Variants in ARRDC2 observed in about 807,000 individuals in gnomAD.
ARRDC2 encodes the protein arrestin domain containing 2.
A neutral mutation model predicts 38.9 loss-of-function variants in ARRDC2; 39 were observed. That is an observed-to-expected ratio of 1.00 (90% confidence interval 0.78 to 1.31). The LOEUF (loss-of-function observed/expected upper bound fraction) is 1.31, where lower values mean the gene tolerates loss of function less well. ARRDC2 is among the 50% of genes most tolerant of loss of function. The probability of loss-of-function intolerance (pLI) is 0.00; values close to 1 mark genes in which losing one functional copy is unlikely to be tolerated. For missense variants in ARRDC2, 553 were observed against 588.4 expected, an observed-to-expected ratio of 0.94 and a Z score of 0.62; for synonymous variants, 300 against 261.9, an observed-to-expected ratio of 1.15 and a Z score of -1.41.
At position 18,009,990 on chromosome 19, in the gene ARRDC2, G is replaced by C. The variant is rs746624647; in HGVS notation, c.800G>C (p.Gly267Ala). ...QGRALRIPPV[G>A]PSILHCRVLH... ...CGGGCACTGCGGATCCCCCCAGTGG[G>C]TCCTTCCATCCTGCACTGCCGCGTT... Residue 267 changes from glycine to alanine, a missense_variant, in exon 5 of 8, where the codon GGT (glycine) becomes GCT (alanine). By Grantham distance (60) the Gly-to-Ala change is moderately conservative (BLOSUM62 0). Coordinates refer to ENST00000222250, the MANE Select transcript of ARRDC2 (RefSeq NM_015683.2). The C allele has an allele frequency of 8.1e-6, 13 of 1,601,448 alleles. No individual in the cohort carries two copies. Among genetic ancestry groups the C allele is most frequent in the Non-Finnish European group, 1.1e-5 (13 of 1,179,434 alleles).
At chr19:18,012,524 T>C (rs922123067) in intron 7 of ARRDC2, among the ~76,000 whole-genome samples, 1 of 152,030 alleles carries the variant, frequency 6.6e-6, no homozygotes, top group Non-Finnish European at 1.5e-5. Context: ...GAGGTAGAGG[T>C]TGCAGTGAGC....
chr19:18,009,778 TGCA>T lies in ARRDC2; in HGVS notation c.593-3_593-1del. The T allele has an allele frequency of 1.2e-6, 2 of 1,613,234 alleles. No individual in the cohort carries two copies. The highest frequency in any genetic ancestry group is 1.7e-6 in the Non-Finnish European group (2 of 1,179,924). ...AAACTGAGGCCCCACTGCTCCTTGC[TGCA>T]GGAGAGGTCATCCCTGTCTTTGCCG... On this transcript the variant is annotated splice_acceptor_variant and splice_polypyrimidine_tract_variant and intron_variant, in intron 4 of 7. Coordinates refer to ENST00000222250, the MANE Select transcript of ARRDC2 (RefSeq NM_015683.2). LOFTEE classifies it high-confidence loss of function.
At chr19:18,003,261 G>A (rs770729913), upstream of ARRDC2, among the ~76,000 whole-genome samples, 9 of 151,888 alleles carry the variant, frequency 5.9e-5, no homozygotes, top group Middle Eastern at 3.2e-3. Context: ...CCTCCACTCC[G>A]TTTTTGTGTT....
At chr19:18,001,409 T>G (rs1258777896) in exon 1 of ARRDC2, 2 of 1,224,618 alleles carry the variant, frequency 1.6e-6, no homozygotes, top group African/African-American at 3.1e-5. Context: ...GGCCGGGTGC[T>G]GCTGGAGGCG....
chr19:18,008,125 C>G (rs970265244), upstream of ARRDC2: 4 of 838,080 alleles, frequency 4.8e-6, no homozygotes, highest in Non-Finnish European at 6.5e-6. Context: ...GACCCCACCC[C>G]CCCCCGCCCT....
upstream of ARRDC2, chr19:18,007,188 A>T (rs779937503): frequency 8.5e-5 from 13 of 152,146 alleles, no homozygotes; most frequent in Non-Finnish European, 1.3e-4. Context: ...CGCAGAGGCA[A>T]CTCCCGCTGG....
Position 18,008,448 on chromosome 19 carries a change from C to T in ARRDC2, c.138C>T (p.Ala46=), listed in dbSNP as rs2033329514. ...LELSSAARVG[A]LRLRARGRAH... is the part of the protein sequence containing the mutation. Reference sequence around the variant, plus strand: ...TGTCAAGCGCCGCGCGTGTGGGTGCCCTGAGGCTGCGCGCGCGGGGCCGCG... The same window carrying T: ...TGTCAAGCGCCGCGCGTGTGGGTGCTCTGAGGCTGCGCGCGCGGGGCCGCG... Residue 46 remains alanine, a synonymous_variant, in exon 1 of 8, where the codon GCC becomes GCT. Transcript: ENST00000222250. 2 of 1,560,340 alleles carry T rather than the reference C, an allele frequency of 1.3e-6. No individual in the cohort carries two copies. Among genetic ancestry groups the T allele is most frequent in the Non-Finnish European group, 1.7e-6 (2 of 1,161,170 alleles).
At position 18,010,739 on chromosome 19, in the gene ARRDC2, G is replaced by A. The variant is rs1053656382; in HGVS notation, c.1170+10G>A. The A allele has an allele frequency of 1.2e-6, 2 of 1,613,204 alleles. No homozygotes were observed. The highest frequency in any genetic ancestry group is 2.7e-5 in the African/African-American group (2 of 74,918). ...ACCCCTGTACTCTGAGGTGAGCTCA[G>A]GGGTCTGAGAACCACCCATGCCTCT... On this transcript the variant is annotated intron_variant, in intron 7 of 7. Coordinates refer to ENST00000222250, the MANE Select transcript of ARRDC2 (RefSeq NM_015683.2).
chr19:18,009,731 G>A (rs2033366110), intron 4 of ARRDC2, 37 bp downstream of exon 4: 3 of 1,612,694 alleles, frequency 1.9e-6, no homozygotes, highest in Non-Finnish European at 2.5e-6. Context: ...GACGGGGGCT[G>A]GTGTTGGGGT....
chr19:18,008,402 C>T lies in ARRDC2; in HGVS notation c.92C>T (p.Ala31Val). 1 of 1,594,550 alleles carries T rather than the reference C, an allele frequency of 6.3e-7. No individual in the cohort carries two copies. Among genetic ancestry groups the T allele is most frequent in the East Asian group, 2.2e-5 (1 of 44,502 alleles). ...GTGTTTAGCGGCGGCCAGGCCGTGG[C>T]GGGCCGGGTGCTGCTGGAGCTGTCA... is the stretch of plus-strand genomic sequence containing the variant. ...EPVFSGGQAV[A>V]GRVLLELSSA... The change falls in exon 1 of 8, where the codon GCG (alanine) becomes GTG (valine). Residue 31 changes from alanine to valine, a missense_variant. This residue lies in a region of ARRDC2 where 447 missense variants were observed against 456.6 expected (regional missense o/e 0.98). Coordinates refer to ENST00000222250, the MANE Select transcript of ARRDC2 (RefSeq NM_015683.2).
At chr19:18,005,139 T>C (rs1442695365), upstream of ARRDC2, among the ~76,000 whole-genome samples, 1 of 152,038 alleles carries the variant, frequency 6.6e-6, no homozygotes, top group Admixed American at 6.6e-5. Flanking sequence ...CTGGTTTTCC[T>C]AGGCAGAGTG....
Position 18,010,427 on chromosome 19 carries a change from C to T in ARRDC2, c.1012+69C>T, listed in dbSNP as rs367815858. ...CGGAGAGGTGGATGCCGGGTCAACT[C>T]TCTCACCACGAGTCCCCCGGAATCC... On this transcript the variant is annotated intron_variant, in intron 6 of 7. Transcript: ENST00000222250. 118 of 1,570,462 alleles carry T rather than the reference C, an allele frequency of 7.5e-5. 1 individual carries two copies. The East Asian group carries it at 1.3e-3, about 17-fold the overall frequency.
chr19:18,002,414 C>A (rs972115143), intron 1 of ARRDC2, among the ~76,000 whole-genome samples: 9 of 152,236 alleles, frequency 5.9e-5, no homozygotes, highest in African/African-American at 2.2e-4. Flanking sequence ...TGGTCACCAG[C>A]GAGCCAGGGG....
At chr19:18,009,732 G>A (rs201888069) in intron 4 of ARRDC2, 38 bp downstream of exon 4, 1 of 1,612,862 alleles carries the variant, frequency 6.2e-7, no homozygotes, top group Admixed American at 1.7e-5. Flanking sequence ...ACGGGGGCTG[G>A]TGTTGGGGTT....
exon 1 of ARRDC2, chr19:18,001,250 T>C (rs2033179417): frequency 8.7e-7 from 1 of 1,143,296 alleles, no homozygotes; most frequent in Non-Finnish European, 1.1e-6. Flanking sequence ...CCCGGGGATC[T>C]GCAGGCGCGC....
chr19:18,003,923 G>GCCA, upstream of ARRDC2, among the ~76,000 whole-genome samples: 1 of 152,000 alleles, frequency 6.6e-6, no homozygotes, highest in East Asian at 2.0e-4. Flanking sequence ...ACAGGCATGA[G>GCCA]CCACAGTGCC....
At chr19:18,008,118 C>CG, upstream of ARRDC2, 10 of 484,280 alleles carry the variant, frequency 2.1e-5, no homozygotes, top group Non-Finnish European at 3.2e-5. Flanking sequence ...AGACGGTGAC[C>CG]CCACCCCCCC....
chr19:18,007,008 C>T (rs2033293208), upstream of ARRDC2, among the ~76,000 whole-genome samples: 1 of 86,328 alleles, frequency 1.2e-5, no homozygotes, highest in Non-Finnish European at 2.5e-5. Context: ...ATCCCCATCA[C>T]GGGCTGAGGG....
At position 18,009,131 on chromosome 19, in the gene ARRDC2, C is replaced by T. The variant is rs1258622636; in HGVS notation, c.489+13C>T. 1.2e-5 allele frequency: 20 copies of T among 1,612,694 alleles called. No homozygotes were observed. Among genetic ancestry groups the T allele is most frequent in the Non-Finnish European group, 1.7e-5 (20 of 1,179,626 alleles). On this transcript the variant is annotated intron_variant, in intron 3 of 7. Coordinates refer to ENST00000222250, the MANE Select transcript of ARRDC2 (RefSeq NM_015683.2). ...GCCAGCCCTGCTGGTGAGTGGCCAC[C>T]CTTGGGGAGGTAGGTTGGGAGTATT... is the stretch of plus-strand genomic sequence containing the variant.
Sources: gnomAD v4.1 joint callset for allele counts (sites outside exome capture counted in the v4.1 genomes callset) on GRCh38, gnomAD v4.1.1 for gene constraint, gnomAD v4.1.1 regional missense constraint, MANE v1.5 for transcripts, NCBI Gene and HGNC (gene_info 2026-07-23, HGNC 2026-07-21) for gene names.